Variants in PTPRR observed in about 807,000 individuals in gnomAD.
PTPRR encodes the protein protein tyrosine phosphatase receptor type R.
Under a neutral mutation model 77.2 loss-of-function variants are expected in PTPRR, and 38 were observed. The ratio of observed to expected loss-of-function variants is 0.49; its 90% CI spans 0.38 to 0.65. PTPRR has a LOEUF of 0.65. PTPRR is among the 30% of genes least tolerant of loss of function. The probability of loss-of-function intolerance (pLI) is 0.00; values close to 1 mark genes in which losing one functional copy is unlikely to be tolerated. For missense variants in PTPRR, 744 were observed against 799.2 expected, an observed-to-expected ratio of 0.93 and a Z score of 0.83; for synonymous variants, 299 against 283.1, an observed-to-expected ratio of 1.06 and a Z score of -0.57.
At chr12:70,778,084 A>G (rs1224515011) in intron 2 of PTPRR, among the ~76,000 whole-genome samples, 1 of 152,200 alleles carries the variant, frequency 6.6e-6, no homozygotes, top group African/African-American at 2.4e-5. Flanking sequence ...CGCTTCTTTC[A>G]AGTGAGGCTC....
At chr12:70,804,139 C>CTGTGTGTG (rs58442488) in intron 2 of PTPRR, among the ~76,000 whole-genome samples, 33,116 of 137,032 alleles carry the variant, frequency 0.24, 4,872 homozygotes, top group East Asian at 0.49. Context: ...GTTCCTGGCT[C>CTGTGTGTG]TGTGTGTGTG....
intron 1 of PTPRR, among the ~76,000 whole-genome samples, chr12:70,898,782 G>A (rs910777437): frequency 6.6e-6 from 1 of 151,136 alleles, no homozygotes; most frequent in African/African-American, 2.4e-5. Flanking sequence ...AGAGAAAAAC[G>A]AGTGAAACAA....
intron 2 of PTPRR, among the ~76,000 whole-genome samples, chr12:70,867,639 C>A (rs1442930790): frequency 6.6e-6 from 1 of 151,914 alleles, no homozygotes; most frequent in Non-Finnish European, 1.5e-5. Flanking sequence ...TCAATGCCAT[C>A]CCCATCAAGC....
At chr12:70,854,188 C>G (rs1011474164) in intron 2 of PTPRR, among the ~76,000 whole-genome samples, 1 of 152,186 alleles carries the variant, frequency 6.6e-6, no homozygotes, top group Non-Finnish European at 1.5e-5. Flanking sequence ...CAACAGTCCC[C>G]TAGTTTGAAT....
Position 70,911,651 on chromosome 12 carries a change from T to TCCC in PTPRR, c.58+8681_58+8682insGGG, listed in dbSNP as rs1592829829. 2.0e-5 allele frequency among the ~76,000 whole-genome samples: 3 copies of TCCC among 149,526 alleles called. No individual in the cohort carries two copies. The East Asian group carries it at 5.9e-4, about 30-fold the overall frequency. Reference sequence around the variant, plus strand: ...ATTGGGAGAGATATCTGCAGGGAGGTAGATATTTTCGAGCTTCATAGTCCA... The same window carrying TCCC: ...ATTGGGAGAGATATCTGCAGGGAGGTCCCAGATATTTTCGAGCTTCATAGTCCA... On this transcript the variant is annotated intron_variant, in intron 1 of 13. Coordinates refer to ENST00000283228, the MANE Select transcript of PTPRR (RefSeq NM_002849.4).
At chr12:70,910,541 T>C (rs938233018) in intron 1 of PTPRR, among the ~76,000 whole-genome samples, 1 of 152,220 alleles carries the variant, frequency 6.6e-6, no homozygotes, top group Non-Finnish European at 1.5e-5. Flanking sequence ...CCATATGAAA[T>C]TCAATGCTTG....
chr12:70,787,152 C>T (rs1891340009), intron 2 of PTPRR, among the ~76,000 whole-genome samples: 1 of 152,188 alleles, frequency 6.6e-6, no homozygotes, highest in Non-Finnish European at 1.5e-5. Flanking sequence ...CCTGTTATTA[C>T]TTCTCAATTA....
chr12:70,860,734 A>G (rs1460508208), intron 2 of PTPRR, among the ~76,000 whole-genome samples: 1 of 152,144 alleles, frequency 6.6e-6, no homozygotes, highest in Non-Finnish European at 1.5e-5. Flanking sequence ...TAGACTAGTC[A>G]GGATATTAAG....
chr12:70,756,532 G>T (rs929931830), intron 4 of PTPRR, among the ~76,000 whole-genome samples: 1 of 152,114 alleles, frequency 6.6e-6, no homozygotes, highest in African/African-American at 2.4e-5. Context: ...TTGTCAGGTG[G>T]CCGAGAGTTG....
At chr12:70,883,376 T>G (rs2137106796) in intron 2 of PTPRR, among the ~76,000 whole-genome samples, 1 of 152,316 alleles carries the variant, frequency 6.6e-6, no homozygotes, top group South Asian at 2.1e-4. Flanking sequence ...TTGAATTACT[T>G]CCAATGTTTT....
intron 2 of PTPRR, among the ~76,000 whole-genome samples, chr12:70,767,606 C>T (rs1455171178): frequency 3.9e-5 from 6 of 151,992 alleles, no homozygotes; most frequent in Non-Finnish European, 5.9e-5. Context: ...GACAGATCAA[C>T]GAGATAGAAA....
At chr12:70,789,263 T>C (rs1364741446) in intron 2 of PTPRR, among the ~76,000 whole-genome samples, 1 of 151,862 alleles carries the variant, frequency 6.6e-6, no homozygotes, top group Non-Finnish European at 1.5e-5. Context: ...AGTATAATAA[T>C]AATAAAATAA....
At chr12:70,689,116 A>G (rs978413359) in intron 8 of PTPRR, among the ~76,000 whole-genome samples, 5 of 152,134 alleles carry the variant, frequency 3.3e-5, no homozygotes, top group Admixed American at 3.3e-4. Context: ...ATTATAGACC[A>G]TGGTGACTAT....
chr12:70,814,137 A>T (rs909515091), intron 2 of PTPRR, among the ~76,000 whole-genome samples: 3 of 152,182 alleles, frequency 2.0e-5, no homozygotes, highest in African/African-American at 7.2e-5. Context: ...TCTAAGAGGC[A>T]AAAGCAAATT....
chr12:70,806,802 C>G (rs894275616), intron 2 of PTPRR, among the ~76,000 whole-genome samples: 1 of 152,152 alleles, frequency 6.6e-6, no homozygotes, highest in Non-Finnish European at 1.5e-5. Context: ...TGATCTTACT[C>G]TAAATCAGAA....
chr12:70,792,432 G>T (rs956489128), intron 2 of PTPRR, among the ~76,000 whole-genome samples: 3 of 152,076 alleles, frequency 2.0e-5, no homozygotes, highest in African/African-American at 7.2e-5. Context: ...GACCCATTCT[G>T]CTTAGTATGG....
At chr12:70,832,304 G>A (rs1892226958) in intron 2 of PTPRR, among the ~76,000 whole-genome samples, 1 of 152,166 alleles carries the variant, frequency 6.6e-6, no homozygotes, top group Non-Finnish European at 1.5e-5. Flanking sequence ...TTTGCTGTAT[G>A]GGGAAGCAGG....
intron 8 of PTPRR, among the ~76,000 whole-genome samples, chr12:70,694,239 T>C (rs942621801): frequency 9.2e-5 from 14 of 152,188 alleles, no homozygotes; most frequent in African/African-American, 1.7e-4. Flanking sequence ...CATTATTAGA[T>C]GTTAAAATTT....
chr12:70,765,155 G>T (rs773377172), intron 2 of PTPRR, among the ~76,000 whole-genome samples: 3 of 152,120 alleles, frequency 2.0e-5, no homozygotes, highest in Non-Finnish European at 4.4e-5. Context: ...CCAGACAGTG[G>T]GCGCAGGACA....
Sources: allele counts gnomAD v4.1 joint callset (sites outside exome capture counted in the v4.1 genomes callset), GRCh38; gene constraint gnomAD v4.1.1; transcripts MANE v1.5; gene names NCBI Gene and HGNC (gene_info 2026-07-23, HGNC 2026-07-21).